The following ELK3 variants were observed in gnomAD, a reference collection of about 807,000 sequenced individuals.
ELK3 encodes ETS transcription factor ELK3, also known as ETS domain-containing protein Elk-3.
In ELK3, 10 loss-of-function variants were observed where a neutral mutation model predicts 28.9. That is an observed-to-expected ratio of 0.35 (90% confidence interval 0.21 to 0.59). The LOEUF is 0.59. Ranked by LOEUF, ELK3 falls within the 20% of genes least tolerant of loss-of-function variation. The pLI is 0.82. For missense variants in ELK3, 463 were observed against 517.3 expected, an observed-to-expected ratio of 0.90 and a Z score of 1.02; for synonymous variants, 272 against 243.5, an observed-to-expected ratio of 1.12 and a Z score of -1.09.
At chr12:96,234,843 G>A (rs1951769662) in intron 2 of ELK3, among the ~76,000 whole-genome samples, 1 of 152,130 alleles carries the variant, frequency 6.6e-6, no homozygotes, top group Admixed American at 6.5e-5. Context: ...CCCATGCCTG[G>A]GCTTCCAAAG....
chr12:96,194,762 GTTTTC>G (rs1300709951), intron 1 of ELK3, 57 bp downstream of exon 1: 5 of 124,248 alleles, frequency 4.0e-5, no homozygotes, highest in African/African-American at 1.2e-4. Context: ...GTTTGGGGGT[GTTTTC>G]TTTTTTTCTT....
At chr12:96,257,046 C>G (rs897986296) in intron 3 of ELK3, among the ~76,000 whole-genome samples, 12 of 152,220 alleles carry the variant, frequency 7.9e-5, no homozygotes, top group Admixed American at 7.8e-4. Context: ...ATCAGGAGCT[C>G]CTTATCTGCC....
rs4762144 is a variant in ELK3 at position 96,259,723 on chromosome 12, C to T, written c.1003-8C>T. ...TATATGAAGAAGTCTGTTTGCTTTA[C>T]TTCCCAGACACCAAATGGATTGCTT... On this transcript the variant is annotated splice_region_variant and splice_polypyrimidine_tract_variant and intron_variant, in intron 3 of 4. Coordinates refer to ENST00000228741, the MANE Select transcript of ELK3 (RefSeq NM_005230.4). 1,432,385 of 1,603,794 alleles carry T rather than the reference C, an allele frequency of 0.89. 639,954 individuals carry two copies. Among genetic ancestry groups the T allele is most frequent in the East Asian group, 0.94 (41,985 of 44,502 alleles).
chr12:96,248,039 AGGGAAAGTTGAGC>A lies in ELK3; in HGVS notation c.1002+309_1002+321del, dbSNP rs202070077. 8.2e-3 allele frequency among the ~76,000 whole-genome samples: 1,253 copies of A among 152,276 alleles called. 48 individuals carry two copies. The highest frequency in any genetic ancestry group is 0.011 in the South Asian group (55 of 4,822). ...AAGCAGATCTCACCAGCGATTTCCA[AGGGAAAGTTGAGC>A]GGGCCAGTTTACATTTCGGGAGGCG... On this transcript the variant is annotated intron_variant, in intron 3 of 4. Transcript: ENST00000228741.
intron 1 of ELK3, among the ~76,000 whole-genome samples, chr12:96,214,702 G>C (rs940880521): frequency 6.6e-6 from 1 of 152,058 alleles, no homozygotes; most frequent in Non-Finnish European, 1.5e-5. Flanking sequence ...CCAACTCACA[G>C]AAATAATAAA....
chr12:96,247,466 C>G lies in ELK3; in HGVS notation c.734C>G (p.Ser245Cys). 1 of 1,614,166 alleles carries G rather than the reference C, an allele frequency of 6.2e-7. No individual in the cohort carries two copies. The highest frequency in any genetic ancestry group is 8.5e-7 in the Non-Finnish European group (1 of 1,180,034). ...SASPFSSRSP[S>C]LSPNSPLPSE... The stretch of plus-strand genomic sequence containing the variant: ...TCACCCTTCTCATCTCGGTCCCCGT[C>G]CCTGTCCCCCAACTCACCCCTCCCT... The change falls in exon 3 of 5, where the codon TCC (serine) becomes TGC (cysteine). Residue 245 changes from serine to cysteine, a missense_variant. Physicochemically the swap from Ser to Cys is moderately radical, Grantham distance 112 (BLOSUM62 -1). Coordinates refer to ENST00000228741, the MANE Select transcript of ELK3 (RefSeq NM_005230.4). This position sits in a 1 kb window ranked among gnomAD's most constrained non-coding sequence, Gnocchi z 5.5.
intron 2 of ELK3, among the ~76,000 whole-genome samples, chr12:96,243,349 G>C (rs756949140): frequency 2.0e-5 from 3 of 152,112 alleles, no homozygotes; most frequent in Non-Finnish European, 2.9e-5. Context: ...TAGATATCAT[G>C]ATTCTGGACA....
chr12:96,199,513 T>TGTGA (rs767355351), intron 1 of ELK3, among the ~76,000 whole-genome samples: 2 of 151,080 alleles, frequency 1.3e-5, no homozygotes, highest in Middle Eastern at 3.4e-3. Context: ...TGTGTGTGTG[T>TGTGA]GACCTTCTGT....
intron 4 of ELK3, among the ~76,000 whole-genome samples, chr12:96,260,893 T>C (rs145443412): frequency 8.3e-4 from 127 of 152,318 alleles, no homozygotes; most frequent in African/African-American, 3.0e-3. Flanking sequence ...TGATTGCCTG[T>C]TGATCTGGCA....
chr12:96,202,523 C>CTTTTTT (rs67138285), intron 1 of ELK3, among the ~76,000 whole-genome samples: 2 of 108,616 alleles, frequency 1.8e-5, no homozygotes, highest in Admixed American at 1.1e-4. Context: ...TTACCACAAG[C>CTTTTTT]TTTTTTTTTT....
At chr12:96,211,107 G>A (rs780741605) in intron 1 of ELK3, among the ~76,000 whole-genome samples, 2 of 152,178 alleles carry the variant, frequency 1.3e-5, no homozygotes, top group Admixed American at 6.5e-5. Context: ...CCAACTGAGA[G>A]TATTAAATTT....
intron 1 of ELK3, among the ~76,000 whole-genome samples, chr12:96,199,480 C>CTGTGTG (rs10678770): frequency 0.034 from 5,033 of 146,428 alleles, 96 homozygotes; most frequent in East Asian, 0.073. Flanking sequence ...ATAAAATTAG[C>CTGTGTG]TGTGTGTGTG....
chr12:96,249,832 A>G (rs913434001), intron 3 of ELK3, among the ~76,000 whole-genome samples: 1 of 140,386 alleles, frequency 7.1e-6, no homozygotes, highest in African/African-American at 2.7e-5. Flanking sequence ...TGGATGCCCA[A>G]CAAATGGATG....
chr12:96,194,691 C>G lies in ELK3; in HGVS notation c.-17C>G, dbSNP rs1334858480. The stretch of plus-strand genomic sequence containing the variant: ...TCCTAGAAATTCCCCCCGAAGAAGA[C>G]TCCCCCACATCTGGGTAGGTAACAG... On this transcript the variant is annotated 5_prime_UTR_variant, in exon 1 of 5. Coordinates refer to ENST00000228741, the MANE Select transcript of ELK3 (RefSeq NM_005230.4). 1 of 150,960 alleles carries G rather than the reference C, an allele frequency of 6.6e-6. No homozygotes were observed. The highest frequency in any genetic ancestry group is 1.5e-5 in the Non-Finnish European group (1 of 67,928). The allele number at this position is 150,960 out of a possible 1,614,324, so 9.4% of individuals were successfully genotyped here.
At chr12:96,227,748 T>C (rs1295552338) in intron 2 of ELK3, among the ~76,000 whole-genome samples, 1 of 152,236 alleles carries the variant, frequency 6.6e-6, no homozygotes, top group African/African-American at 2.4e-5. Context: ...CAGAGTGAGC[T>C]CCAGCCTAGA....
At chr12:96,219,336 T>G (rs947519783) in intron 1 of ELK3, among the ~76,000 whole-genome samples, 1 of 152,152 alleles carries the variant, frequency 6.6e-6, no homozygotes, top group African/African-American at 2.4e-5. Flanking sequence ...GTGAGAGAGA[T>G]ACTCATATAG....
chr12:96,247,257 C>G lies in ELK3; in HGVS notation c.525C>G (p.Pro175=). ...AGGAGCCGCCCGAAGACAGCCCCCC[C>G]GTGGAAGAAGTCAGGACTGTGATCA... The part of the protein sequence containing the change: ...KLEEPPEDSP[P]VEEVRTVIRF... The change falls in exon 3 of 5, where the codon CCC becomes CCG. Residue 175 remains proline, a synonymous_variant. Transcript: ENST00000228741. This position sits in a 1 kb window ranked among gnomAD's most constrained non-coding sequence, Gnocchi z 5.5. 1 of 1,614,220 alleles carries G rather than the reference C, an allele frequency of 6.2e-7. No individual in the cohort carries two copies. The highest frequency in any genetic ancestry group is 8.5e-7 in the Non-Finnish European group (1 of 1,180,044).
chr12:96,244,555 CATTT>C (rs1368952380), intron 2 of ELK3, among the ~76,000 whole-genome samples: 1 of 147,640 alleles, frequency 6.8e-6, no homozygotes, highest in East Asian at 2.0e-4. Flanking sequence ...CTAAATAAAA[CATTT>C]ATAGAAGTTT....
intron 2 of ELK3, among the ~76,000 whole-genome samples, chr12:96,230,352 G>T (rs1055231806): frequency 2.6e-5 from 4 of 152,160 alleles, no homozygotes; most frequent in South Asian, 2.1e-4. Flanking sequence ...GTTAAGTGAT[G>T]CATGACTGTA....
Sources: allele counts gnomAD v4.1 joint callset (sites outside exome capture counted in the v4.1 genomes callset), GRCh38; gene constraint gnomAD v4.1.1; non-coding constraint Gnocchi (gnomAD v3.1); transcripts MANE v1.5; gene names NCBI Gene and HGNC (gene_info 2026-07-23, HGNC 2026-07-21).